Variants in LCORL observed in about 807,000 individuals in gnomAD.
LCORL encodes ligand dependent nuclear receptor corepressor like.
A neutral mutation model predicts 141.8 loss-of-function variants in LCORL; 41 were observed. The observed-to-expected ratio is 0.29, with a 90% CI of 0.23 to 0.38. The LOEUF is 0.38. Ranked by LOEUF, LCORL falls within the 10% of genes least tolerant of loss-of-function variation. LCORL has a pLI of 1.00. For synonymous variants in LCORL, 618 were observed against 694.1 expected, an observed-to-expected ratio of 0.89 and a Z score of 1.72; for missense variants, 1,759 against 2,035.0, an observed-to-expected ratio of 0.86 and a Z score of 2.61.
chr4:17,939,205 T>C (rs951702233), intron 4 of LCORL, among the ~76,000 whole-genome samples: 5 of 152,186 alleles, frequency 3.3e-5, no homozygotes, highest in Non-Finnish European at 5.9e-5. Context: ...TCATCAAAGA[T>C]ATGCAATTTA....
At chr4:17,930,731 G>A (rs533778727) in intron 4 of LCORL, among the ~76,000 whole-genome samples, 2 of 152,264 alleles carry the variant, frequency 1.3e-5, no homozygotes, top group East Asian at 3.9e-4. Flanking sequence ...TTGTTCTGTA[G>A]TGGTATGTAT....
intron 2 of LCORL, among the ~76,000 whole-genome samples, chr4:17,969,853 A>G (rs1373607896): frequency 6.6e-6 from 1 of 152,186 alleles, no homozygotes; most frequent in Non-Finnish European, 1.5e-5. Context: ...TTCAGAAAAA[A>G]AGCTCTCTTA....
At chr4:17,990,129 C>T (rs1157773815) in intron 1 of LCORL, among the ~76,000 whole-genome samples, 4 of 134,930 alleles carry the variant, frequency 3.0e-5, no homozygotes, top group African/African-American at 1.1e-4. Flanking sequence ...AATGGAGTCT[C>T]GCTCTGTCAC....
intron 5 of LCORL, among the ~76,000 whole-genome samples, chr4:17,891,292 C>T (rs1729035251): frequency 6.6e-6 from 1 of 151,976 alleles, no homozygotes; most frequent in African/African-American, 2.4e-5. Context: ...GAAGAATTAC[C>T]TGAGCCCAGA....
In LCORL at chr4:17,881,843, C is replaced by T. The variant is rs537738917; in HGVS notation, c.777-3630G>A. ...AATATGTACTTTACCTTTAACTTTGCTTTCCATTGGGGGAAGGGGGAAATA... is the reference window on the plus strand; with the variant it reads ...AATATGTACTTTACCTTTAACTTTGTTTTCCATTGGGGGAAGGGGGAAATA... On this transcript the variant is annotated intron_variant, in intron 6 of 7. Coordinates refer to ENST00000635767, the Ensembl canonical transcript of LCORL. 8.7e-4 allele frequency: 855 copies of T among 984,020 alleles called. 1 individual carries two copies. Among genetic ancestry groups the T allele is most frequent in the Non-Finnish European group, 9.5e-4 (785 of 829,006 alleles). 61.0% of individuals were successfully genotyped at this position (984,020 alleles called of 1,614,324 possible). A position where few individuals can be genotyped will look rare whatever the true frequency, so the allele number is the denominator to read the frequency against.
chr4:17,973,468 T>C (rs375096352), intron 1 of LCORL, among the ~76,000 whole-genome samples: 8 of 151,952 alleles, frequency 5.3e-5, no homozygotes, highest in African/African-American at 1.2e-4. Context: ...CCCTAGTTTA[T>C]GCATTTCCCA....
exon 7 of LCORL, chr4:17,875,835 T>C: frequency 8.1e-7 from 1 of 1,231,180 alleles, no homozygotes; most frequent in Non-Finnish European, 1.0e-6. Flanking sequence ...ACTATTTATA[T>C]CACCTATAAA....
chr4:17,855,548 T>G (rs939972174), intron 7 of LCORL, among the ~76,000 whole-genome samples: 4 of 152,210 alleles, frequency 2.6e-5, no homozygotes, highest in African/African-American at 9.6e-5. Flanking sequence ...AACTCTTTAC[T>G]CATCCTTAAA....
chr4:17,862,410 C>T (rs187880505), intron 7 of LCORL, among the ~76,000 whole-genome samples: 17 of 152,262 alleles, frequency 1.1e-4, no homozygotes, highest in African/African-American at 3.6e-4. Flanking sequence ...TCAGTTACCT[C>T]CCACCAGGTC....
intron 1 of LCORL, among the ~76,000 whole-genome samples, chr4:17,986,935 A>G (rs1719072780): frequency 6.6e-6 from 1 of 152,140 alleles, no homozygotes; most frequent in Non-Finnish European, 1.5e-5. Flanking sequence ...GGTTTAATGT[A>G]CCACAGTTTA....
At chr4:17,895,332 G>A (rs1355057445) in intron 5 of LCORL, among the ~76,000 whole-genome samples, 1 of 151,852 alleles carries the variant, frequency 6.6e-6, no homozygotes, top group Non-Finnish European at 1.5e-5. Flanking sequence ...CCAGCCTCTG[G>A]TAATCACTAT....
chr4:17,911,211 C>CTGTT (rs779750784), intron 4 of LCORL, among the ~76,000 whole-genome samples: 7 of 152,042 alleles, frequency 4.6e-5, no homozygotes, highest in Non-Finnish European at 1.0e-4. Flanking sequence ...TAAATGTTAG[C>CTGTT]TGTTAGTAGA....
chr4:17,989,757 C>T (rs1433885594), intron 1 of LCORL, among the ~76,000 whole-genome samples: 1 of 152,232 alleles, frequency 6.6e-6, no homozygotes, highest in Non-Finnish European at 1.5e-5. Context: ...CAAAAGACCA[C>T]AAACTGTGCC....
At chr4:17,896,129 G>C (rs1444252567) in intron 5 of LCORL, among the ~76,000 whole-genome samples, 1 of 152,124 alleles carries the variant, frequency 6.6e-6, no homozygotes, top group Non-Finnish European at 1.5e-5. Context: ...TTCCAAAGGG[G>C]TTGCATCATT....
chr4:17,992,881 T>C (rs1720267821), intron 1 of LCORL, among the ~76,000 whole-genome samples: 1 of 152,228 alleles, frequency 6.6e-6, no homozygotes, highest in Non-Finnish European at 1.5e-5. Flanking sequence ...CACTGACTCC[T>C]GGGTTTAAAT....
At chr4:17,938,607 G>C (rs1161019582) in intron 4 of LCORL, among the ~76,000 whole-genome samples, 2 of 150,712 alleles carry the variant, frequency 1.3e-5, no homozygotes, top group African/African-American at 4.9e-5. Flanking sequence ...GTAGAGATGG[G>C]GTTTCTCCAT....
chr4:17,881,020 AAAC>A, intron 6 of LCORL: 3 of 982,318 alleles, frequency 3.1e-6, no homozygotes, highest in Non-Finnish European at 3.6e-6. Flanking sequence ...TTTGTACTGT[AAAC>A]AACTAAAAAA....
At chr4:17,985,668 G>T (rs922175182) in intron 1 of LCORL, among the ~76,000 whole-genome samples, 1 of 152,088 alleles carries the variant, frequency 6.6e-6, no homozygotes, top group African/African-American at 2.4e-5. Flanking sequence ...TGTGTGTGAG[G>T]TGGGTCTCTT....
intron 5 of LCORL, among the ~76,000 whole-genome samples, chr4:17,892,375 A>AT (rs1471526718): frequency 6.6e-6 from 1 of 151,480 alleles, no homozygotes; most frequent in Non-Finnish European, 1.5e-5. Context: ...AGCCCAGCTA[A>AT]TTTTTGTATT....
Sources: gnomAD v4.1 joint callset for allele counts (sites outside exome capture counted in the v4.1 genomes callset) on GRCh38, gnomAD v4.1.1 for gene constraint, MANE v1.5 for transcripts, NCBI Gene and HGNC (gene_info 2026-07-23, HGNC 2026-07-21) for gene names.